The following GNPTAB variants were observed in gnomAD, a reference collection of about 807,000 sequenced individuals.
GNPTAB encodes N-acetylglucosamine-1-phosphotransferase subunits alpha/beta.
A neutral mutation model predicts 136.6 loss-of-function variants in GNPTAB; 92 were observed. That is an observed-to-expected ratio of 0.67 (90% confidence interval 0.57 to 0.80). The LOEUF (loss-of-function observed/expected upper bound fraction) is 0.80. Ranked by LOEUF, GNPTAB falls within the 30% of genes least tolerant of loss-of-function variation. The pLI is 0.00. For missense variants in GNPTAB, 1,343 were observed against 1,501.8 expected (o/e 0.89, Z 1.75); for synonymous variants, 512 against 535.1 (o/e 0.96, Z 0.60).
chr12:101,809,798 G>A (rs983155198), intron 1 of GNPTAB, among the ~76,000 whole-genome samples: 2 of 152,146 alleles, frequency 1.3e-5, no homozygotes, highest in African/African-American at 4.8e-5. Flanking sequence ...ACAACTGCAG[G>A]GCAGTGAAAC....
At chr12:101,796,117 G>T in intron 2 of GNPTAB, 1 of 662,100 alleles carries the variant, frequency 1.5e-6, no homozygotes, top group Non-Finnish European at 2.7e-6. Flanking sequence ...ATGGAGTGGG[G>T]TTCAGCCCCA....
intron 19 of GNPTAB, among the ~76,000 whole-genome samples, chr12:101,751,669 T>G (rs1222864096): frequency 6.6e-6 from 1 of 152,218 alleles, no homozygotes; most frequent in African/African-American, 2.4e-5. Flanking sequence ...CAACTCACAT[T>G]ACTATGTTCT....
At chr12:101,830,227 C>CT (rs1871297199) in intron 1 of GNPTAB, among the ~76,000 whole-genome samples, 1 of 152,136 alleles carries the variant, frequency 6.6e-6, no homozygotes, top group African/African-American at 2.4e-5. Context: ...ACCTCCGTCT[C>CT]TATTTTTAAA....
intron 19 of GNPTAB, 111 bp downstream of exon 19, chr12:101,753,261 A>T (rs1347196119): frequency 8.8e-6 from 9 of 1,024,772 alleles, no homozygotes; most frequent in South Asian, 4.4e-5. Context: ...CTCAAAAAAA[A>T]AAAATAAAAA....
At chr12:101,789,865 G>T in intron 3 of GNPTAB, 73 bp downstream of exon 3, 1 of 1,363,472 alleles carries the variant, frequency 7.3e-7, no homozygotes, top group Non-Finnish European at 1.0e-6. Context: ...GCTCATATGT[G>T]AGATGTGCCA....
intron 2 of GNPTAB, among the ~76,000 whole-genome samples, chr12:101,795,389 GT>G (rs1168572924): frequency 1.3e-5 from 2 of 152,046 alleles, no homozygotes; most frequent in African/African-American, 2.4e-5. Flanking sequence ...AGTTTATAAG[GT>G]TATAATTATC....
rs536651438 is a variant in GNPTAB, at chr12:101,796,385, G to A, written c.203+292C>T. 886 of 666,756 alleles carry A rather than the reference G, an allele frequency of 1.3e-3. 3 individuals are homozygous for A. Among genetic ancestry groups the A allele is most frequent in the Middle Eastern group, 0.012 (52 of 4,174 alleles). 41.3% of individuals were successfully genotyped at this position (666,756 alleles called of 1,614,324 possible). A position where few individuals can be genotyped will look rare whatever the true frequency, so the allele number is the denominator to read the frequency against. On this transcript the variant is annotated intron_variant, in intron 2 of 20. Coordinates refer to ENST00000299314, the MANE Select transcript of GNPTAB (RefSeq NM_024312.5). The stretch of plus-strand genomic sequence containing the variant: ...TGGTGAACACACTTTTCTTCAGATG[G>A]ACATATTTTCTTTCCTTATTTTAAA...
chr12:101,764,128 AGCTATAAT>A, intron 13 of GNPTAB, 66 bp downstream of exon 13: 1 of 1,592,818 alleles, frequency 6.3e-7, no homozygotes, highest in Non-Finnish European at 8.6e-7. Flanking sequence ...AATAAATGGT[AGCTATAAT>A]GATATTATCA....
intron 7 of GNPTAB, among the ~76,000 whole-genome samples, chr12:101,775,932 A>C (rs1953257079): frequency 6.6e-6 from 1 of 152,162 alleles, no homozygotes; most frequent in African/African-American, 2.4e-5. Context: ...TCCTGCCTGC[A>C]CAAACCACCT....
At position 101,753,383 on chromosome 12, in the gene GNPTAB, C is replaced by T. The variant is rs750709036; in HGVS notation, c.3591G>A (p.Glu1197=). ...ACATGAGAATTTACCATTCCTGCAG[C>T]TCATGCATATGAAGGAAACGGTTTC... The part of the protein sequence containing the change: ...EYRNRFLHMH[E]LQEWRAYRDK... Residue 1197 remains glutamate (E), a synonymous_variant, in exon 19 of 21, where the codon GAG becomes GAA. Transcript: ENST00000299314. 3.1e-5 allele frequency: 50 copies of T among 1,613,468 alleles called. No homozygotes were observed. Among genetic ancestry groups the T allele is most frequent in the Middle Eastern group, 1.6e-4 (1 of 6,082 alleles).
chr12:101,791,278 C>T (rs1360640423), intron 2 of GNPTAB, among the ~76,000 whole-genome samples: 3 of 152,188 alleles, frequency 2.0e-5, no homozygotes, highest in Admixed American at 2.0e-4. Flanking sequence ...ACCCATCTTT[C>T]AGGGGCCTGC....
chr12:101,759,225 T>C (rs1253043629), intron 16 of GNPTAB, among the ~76,000 whole-genome samples: 2 of 151,498 alleles, frequency 1.3e-5, no homozygotes, highest in Admixed American at 6.6e-5. Context: ...TAGCCGGGCG[T>C]GGTGGCGGGC....
intron 1 of GNPTAB, among the ~76,000 whole-genome samples, chr12:101,823,850 A>G (rs1870938843): frequency 6.6e-6 from 1 of 152,216 alleles, no homozygotes; most frequent in African/African-American, 2.4e-5. Context: ...TCCCAGATAG[A>G]TTAATTAACC....
At chr12:101,822,386 C>T (rs1029869418) in intron 1 of GNPTAB, among the ~76,000 whole-genome samples, 1 of 152,174 alleles carries the variant, frequency 6.6e-6, no homozygotes, top group African/African-American at 2.4e-5. Context: ...TGCACTCCAA[C>T]CTGGGCGACA....
intron 7 of GNPTAB, chr12:101,778,675 G>A (rs897838519): frequency 6.6e-6 from 1 of 152,326 alleles, no homozygotes; most frequent in Non-Finnish European, 1.5e-5. Flanking sequence ...GGGAGGCCAA[G>A]GTGAGGGGAT....
chr12:101,747,593 A>G (rs112333593), intron 20 of GNPTAB, among the ~76,000 whole-genome samples: 606 of 42,424 alleles, frequency 0.014, 3 homozygotes, highest in African/African-American at 0.069. Context: ...CTTTCTATTG[A>G]AGGAAACTGG....
At chr12:101,817,431 C>A (rs1870564474) in intron 1 of GNPTAB, among the ~76,000 whole-genome samples, 1 of 151,800 alleles carries the variant, frequency 6.6e-6, no homozygotes, top group South Asian at 2.1e-4. Flanking sequence ...CCACACCTAG[C>A]TAAGTTTTGT....
At chr12:101,762,538 A>G (rs1197097553) in intron 13 of GNPTAB, among the ~76,000 whole-genome samples, 2 of 152,214 alleles carry the variant, frequency 1.3e-5, no homozygotes, top group East Asian at 1.9e-4. Flanking sequence ...TCACTGCAAC[A>G]CTATTTGTAA....
chr12:101,808,935 C>T (rs980263855), intron 1 of GNPTAB, among the ~76,000 whole-genome samples: 3 of 152,084 alleles, frequency 2.0e-5, no homozygotes, highest in African/African-American at 4.8e-5. Flanking sequence ...GCAACAAAAG[C>T]GAAACTCGGT....
Sources: allele counts gnomAD v4.1 joint callset (sites outside exome capture counted in the v4.1 genomes callset), GRCh38; gene constraint gnomAD v4.1.1; transcripts MANE v1.5; gene names NCBI Gene and HGNC (gene_info 2026-07-23, HGNC 2026-07-21).